Variants in WDR64 observed in about 807,000 individuals in gnomAD.
The protein encoded by WDR64 is WD repeat-containing protein 64.
Under a neutral mutation model 139.3 loss-of-function variants are expected in WDR64, and 112 were observed. The ratio of observed to expected loss-of-function variants is 0.80; its 90% CI spans 0.69 to 0.94. The LOEUF is 0.94. Ranked by LOEUF, WDR64 falls within the 40% of genes least tolerant of loss-of-function variation. The pLI is 0.00. For synonymous variants in WDR64, 444 were observed against 437.7 expected (o/e 1.01, Z -0.18); for missense variants, 1,206 against 1,293.1 (o/e 0.93, Z 1.03).
At chr1:241,790,014 TAG>T (rs1659166460) in intron 24 of WDR64, among the ~76,000 whole-genome samples, 1 of 152,138 alleles carries the variant, frequency 6.6e-6, no homozygotes, top group Non-Finnish European at 1.5e-5. Context: ...GTTCCTAATA[TAG>T]AGTTTCCCCT....
In WDR64 at chr1:241,757,373, A is replaced by G; in HGVS notation, c.1861A>G (p.Arg621Gly). 1.2e-6 allele frequency: 2 copies of G among 1,614,070 alleles called. No homozygotes were observed. The highest frequency in any genetic ancestry group is 2.2e-5 in the South Asian group (2 of 91,070). ...AGATGGGAAACATGCTGTGCATCTG[A>G]GAATGTCTACTAGAGACAGGAACAT... ...LQDGKHAVHL[R>G]MSTRDRNMAI... Residue 621 changes from arginine (R) to glycine (G), a missense_variant, in exon 15 of 28, where the codon AGA (arginine) becomes GGA (glycine). Physicochemically the swap from Arg to Gly is moderately radical, Grantham distance 125. Coordinates refer to ENST00000437684, the MANE Select transcript of WDR64 (RefSeq NM_001367482.1).
intron 4 of WDR64, among the ~76,000 whole-genome samples, chr1:241,674,963 CTTCTTTTTCT>C (rs1666428352): frequency 1.7e-5 from 1 of 58,524 alleles, no homozygotes; most frequent in Admixed American, 1.8e-4. Context: ...TCTCTCCTCC[CTTCTTTTTCT>C]TTCCTTCTTT....
intron 6 of WDR64, among the ~76,000 whole-genome samples, chr1:241,682,281 C>G (rs1666830257): frequency 6.6e-6 from 1 of 152,190 alleles, no homozygotes; most frequent in Non-Finnish European, 1.5e-5. Context: ...AGTCCTTGAT[C>G]CATCTTGAGT....
At chr1:241,670,221 T>A (rs1469120570) in intron 2 of WDR64, among the ~76,000 whole-genome samples, 1 of 152,220 alleles carries the variant, frequency 6.6e-6, no homozygotes, top group Non-Finnish European at 1.5e-5. Context: ...AGAACTCTTT[T>A]CTTCCTCACA....
At chr1:241,746,690 TTGAA>T (rs1248398391) in intron 13 of WDR64, among the ~76,000 whole-genome samples, 4 of 151,976 alleles carry the variant, frequency 2.6e-5, no homozygotes, top group African/African-American at 9.7e-5. Flanking sequence ...TTGCATCAGT[TTGAA>T]TGAATCTGAA....
chr1:241,789,069 G>A (rs2148326575), intron 24 of WDR64, among the ~76,000 whole-genome samples: 1 of 152,106 alleles, frequency 6.6e-6, no homozygotes, highest in Non-Finnish European at 1.5e-5. Context: ...ATAGCTCAGT[G>A]CTCACCACAC....
intron 23 of WDR64, among the ~76,000 whole-genome samples, chr1:241,784,498 A>T (rs1191732573): frequency 6.6e-6 from 1 of 152,212 alleles, no homozygotes; most frequent in Non-Finnish European, 1.5e-5. Context: ...TGGTTTATGC[A>T]ACTAGGTGAA....
intron 19 of WDR64, among the ~76,000 whole-genome samples, chr1:241,771,921 T>C (rs1658450805): frequency 1.7e-5 from 1 of 60,230 alleles, no homozygotes; most frequent in Non-Finnish European, 3.8e-5. Flanking sequence ...TATACATATA[T>C]ACATACATAT....
intron 10 of WDR64, among the ~76,000 whole-genome samples, chr1:241,726,680 A>G (rs1668854235): frequency 6.6e-6 from 1 of 152,140 alleles, no homozygotes; most frequent in Admixed American, 6.5e-5. Flanking sequence ...AAAATATCTA[A>G]ATAATATATA....
chr1:241,793,759 T>C (rs1018438429), intron 25 of WDR64, among the ~76,000 whole-genome samples: 2 of 152,222 alleles, frequency 1.3e-5, no homozygotes, highest in African/African-American at 4.8e-5. Flanking sequence ...TTTGTGAGAA[T>C]TAAATGAGAA....
Position 241,703,023 on chromosome 1 carries a change from G to A in WDR64, c.975-8779G>A, listed in dbSNP as rs889192559. ...ATGGGCACAATATGGATCAATAAGA[G>A]GCAGTAATACAGAGTTAGGGCCACT... On this transcript the variant is annotated intron_variant, in intron 8 of 27. Coordinates refer to ENST00000437684, the MANE Select transcript of WDR64 (RefSeq NM_001367482.1). This position sits in a 1 kb window ranked among gnomAD's most constrained non-coding sequence, Gnocchi z 5.9. Among the ~76,000 whole-genome samples the A allele has an allele frequency of 1.4e-4, 21 of 152,106 alleles. 1 individual carries two copies. Among genetic ancestry groups the A allele is most frequent in the African/African-American group, 5.1e-4 (21 of 41,414 alleles).
At chr1:241,787,126 G>A (rs1006668166) in intron 23 of WDR64, among the ~76,000 whole-genome samples, 7 of 151,782 alleles carry the variant, frequency 4.6e-5, no homozygotes, top group Admixed American at 1.3e-4. Flanking sequence ...AGCCCGAGGC[G>A]GGTGGATCAC....
chr1:241,707,485 C>T (rs185821226), intron 8 of WDR64, among the ~76,000 whole-genome samples: 9 of 152,310 alleles, frequency 5.9e-5, no homozygotes, highest in Admixed American at 4.6e-4. Flanking sequence ...AAGCCTAAGC[C>T]TTTCCAATAC....
In WDR64 at chr1:241,684,586, G is replaced by A. The variant is rs577803817; in HGVS notation, c.839+885G>A. 3.3e-5 allele frequency among the ~76,000 whole-genome samples: 5 copies of A among 152,302 alleles called. No homozygotes were observed. In the East Asian group the frequency reaches 7.7e-4, roughly 23 times the overall value. ...AGAAATGATTAAAAATGGGGAAGACGCTGTGAGCTGGGCATTCTCACATTA... is the reference window on the plus strand; with the variant it reads ...AGAAATGATTAAAAATGGGGAAGACACTGTGAGCTGGGCATTCTCACATTA... On this transcript the variant is annotated intron_variant, in intron 7 of 27. Transcript: ENST00000437684.
chr1:241,769,260 C>T (rs969049941), intron 16 of WDR64, 144 bp from the exon 17 acceptor site: 4 of 667,890 alleles, frequency 6.0e-6, no homozygotes, highest in East Asian at 2.8e-5. Flanking sequence ...TATGTTCAAA[C>T]TCTACTTCCT....
chr1:241,710,518 TG>T (rs1211712114), intron 8 of WDR64, among the ~76,000 whole-genome samples: 2 of 33,368 alleles, frequency 6.0e-5, no homozygotes, highest in African/African-American at 2.5e-4. Flanking sequence ...AGAGTTTCAC[TG>T]GTGGAGATGG....
intron 10 of WDR64, among the ~76,000 whole-genome samples, chr1:241,737,807 A>G (rs1027063047): frequency 6.6e-6 from 1 of 152,306 alleles, no homozygotes; most frequent in East Asian, 1.9e-4. Flanking sequence ...CCCTCAAAGG[A>G]TAGTTTGAAA....
At chr1:241,661,845 C>A (rs936506402) in intron 2 of WDR64, among the ~76,000 whole-genome samples, 1 of 152,324 alleles carries the variant, frequency 6.6e-6, no homozygotes, top group Non-Finnish European at 1.5e-5. Flanking sequence ...AGACAGCCAC[C>A]TTTGTTGTGA....
chr1:241,666,453 T>G (rs1666030494), intron 2 of WDR64, among the ~76,000 whole-genome samples: 1 of 152,222 alleles, frequency 6.6e-6, no homozygotes, highest in African/African-American at 2.4e-5. Flanking sequence ...TGGTAAGCAT[T>G]GTAATAGTGT....
Sources: allele counts gnomAD v4.1 joint callset (sites outside exome capture counted in the v4.1 genomes callset), GRCh38; gene constraint gnomAD v4.1.1; non-coding constraint Gnocchi (gnomAD v3.1); transcripts MANE v1.5; gene names NCBI Gene and HGNC (gene_info 2026-07-23, HGNC 2026-07-21).